Variants in MARK2 observed in about 807,000 individuals in gnomAD.
The protein encoded by MARK2 is microtubule affinity regulating kinase 2, also known as serine/threonine-protein kinase MARK2.
In MARK2, 16 loss-of-function variants were observed where a neutral mutation model predicts 89.8. The ratio of observed to expected loss-of-function variants is 0.18; its 90% CI spans 0.12 to 0.27. MARK2 has a LOEUF of 0.27. Ranked by LOEUF, MARK2 falls within the 10% of genes least tolerant of loss-of-function variation. The pLI, the probability that MARK2 is intolerant of heterozygous loss-of-function variation, is 1.00. For synonymous variants in MARK2, 382 were observed against 399.5 expected, an observed-to-expected ratio of 0.96 and a Z score of 0.52; for missense variants, 621 against 1,049.9, an observed-to-expected ratio of 0.59 and a Z score of 5.65.
chr11:63,866,730 C>T (rs1026150314), intron 1 of MARK2, among the ~76,000 whole-genome samples: 1 of 152,102 alleles, frequency 6.6e-6, no homozygotes, highest in African/African-American at 2.4e-5. Context: ...GTTTTAATTT[C>T]AAGAAGTAAT....
intron 1 of MARK2, among the ~76,000 whole-genome samples, chr11:63,856,848 C>T (rs1332093410): frequency 3.7e-5 from 5 of 135,690 alleles, no homozygotes; most frequent in Non-Finnish European, 7.6e-5. Flanking sequence ...CACTCTCTCG[C>T]CCAGGCTGGA....
chr11:63,874,204 T>A (rs536253921), intron 1 of MARK2, among the ~76,000 whole-genome samples: 1 of 152,348 alleles, frequency 6.6e-6, no homozygotes, highest in Non-Finnish European at 1.5e-5. Flanking sequence ...GACTCCCTGC[T>A]GCCTTATCCC....
intron 1 of MARK2, among the ~76,000 whole-genome samples, chr11:63,892,692 C>T (rs1939974273): frequency 6.7e-6 from 1 of 149,302 alleles, no homozygotes; most frequent in African/African-American, 2.5e-5. Context: ...AGATGTAAAC[C>T]AGGGCGCTAA....
intron 1 of MARK2, among the ~76,000 whole-genome samples, chr11:63,842,823 C>T (rs2016088210): frequency 6.6e-6 from 1 of 152,132 alleles, no homozygotes. Flanking sequence ...TCTCCAGTCT[C>T]TTTTCTTGCT....
intron 1 of MARK2, among the ~76,000 whole-genome samples, chr11:63,864,037 T>C (rs1363637661): frequency 1.3e-5 from 2 of 152,158 alleles, no homozygotes; most frequent in East Asian, 1.9e-4. Context: ...TGCTGCAAGC[T>C]CTGCCTCCTG....
chr11:63,866,790 A>G (rs1339615058), intron 1 of MARK2, among the ~76,000 whole-genome samples: 1 of 152,168 alleles, frequency 6.6e-6, no homozygotes, highest in Non-Finnish European at 1.5e-5. Context: ...TTTCCCATTT[A>G]AGATAGGAGA....
rs772793117 is a variant in MARK2, at chr11:63,901,095, G to C, written c.1101+26G>C. 10 of 1,481,950 alleles carry C rather than the reference G, an allele frequency of 6.7e-6. No homozygotes were observed. The East Asian group carries it at 2.3e-4, about 34-fold the overall frequency. 91.8% of individuals were successfully genotyped at this position (1,481,950 alleles called of 1,614,324 possible). ...GTGTGTGCTCCCCGCCCCATTCTCTGACCTGGCCAGCCTCACTGTCTGTAG... is the reference window on the plus strand; with the variant it reads ...GTGTGTGCTCCCCGCCCCATTCTCTCACCTGGCCAGCCTCACTGTCTGTAG... On this transcript the variant is annotated intron_variant, in intron 11 of 18. Coordinates refer to ENST00000402010, the MANE Select transcript of MARK2 (RefSeq NM_001039469.3).
chr11:63,853,340 A>G (rs923461399), intron 1 of MARK2, among the ~76,000 whole-genome samples: 6 of 152,128 alleles, frequency 3.9e-5, no homozygotes, highest in Non-Finnish European at 8.8e-5. Flanking sequence ...TGGAGGTTGC[A>G]GTGAGCCGAG....
intron 3 of MARK2, among the ~76,000 whole-genome samples, chr11:63,896,377 C>G (rs899735689): frequency 9.8e-5 from 15 of 152,340 alleles, no homozygotes; most frequent in Middle Eastern, 6.8e-3. Context: ...TAAGAGGAAG[C>G]AGGGAACCTG....
intron 1 of MARK2, among the ~76,000 whole-genome samples, chr11:63,894,886 T>C (rs1225356036): frequency 6.6e-6 from 1 of 152,050 alleles, no homozygotes; most frequent in Non-Finnish European, 1.5e-5. Context: ...GTGTTGCCAA[T>C]GGAGGTTCAG....
chr11:63,895,686 T>TTTTTGA, intron 3 of MARK2, 53 bp downstream of exon 3: 1 of 1,059,838 alleles, frequency 9.4e-7, no homozygotes, highest in Non-Finnish European at 1.3e-6. Flanking sequence ...TTTTTTTTTT[T>TTTTTGA]GAGTCAGAGC....
intron 1 of MARK2, among the ~76,000 whole-genome samples, chr11:63,867,244 T>G (rs1178456922): frequency 5.3e-5 from 8 of 152,330 alleles, no homozygotes; most frequent in African/African-American, 1.9e-4. Context: ...CCTTTGCTGG[T>G]CTTGAACTCC....
chr11:63,881,061 T>G (rs1397323682), intron 1 of MARK2, among the ~76,000 whole-genome samples: 1 of 152,158 alleles, frequency 6.6e-6, no homozygotes, highest in African/African-American at 2.4e-5. Context: ...CCCAGCACTT[T>G]GGGAGGCCAA....
At chr11:63,867,342 T>G (rs929421210) in intron 1 of MARK2, among the ~76,000 whole-genome samples, 1 of 152,234 alleles carries the variant, frequency 6.6e-6, no homozygotes, top group Non-Finnish European at 1.5e-5. Context: ...TATAGTTTTA[T>G]GAGCTGAGCT....
At chr11:63,852,208 ACTTT>A (rs999623156) in intron 1 of MARK2, among the ~76,000 whole-genome samples, 3 of 152,200 alleles carry the variant, frequency 2.0e-5, no homozygotes, top group Non-Finnish European at 2.9e-5. Flanking sequence ...TTAAGGTAGT[ACTTT>A]AAGGTAAAAA....
Position 63,903,328 on chromosome 11 carries a change from G to T in MARK2, c.1514+170G>T. 2 of 611,420 alleles carry T rather than the reference G, an allele frequency of 3.3e-6. No homozygotes were observed. The allele number at this position is 611,420 out of a possible 1,614,324, so 37.9% of individuals were successfully genotyped here. ...TTCCCCTCCCCTATTCCACGCCATT[G>T]CCTCCTCCCCATCTTCCTCTGACTG... On this transcript the variant is annotated intron_variant, in intron 14 of 18. Transcript: ENST00000402010. The surrounding 1 kb of genome is among the most constrained non-coding windows in gnomAD (Gnocchi z 5.1).
chr11:63,909,204 T>C lies in MARK2; in HGVS notation c.2334T>C (p.Ile778=), dbSNP rs1288563735. ...ISGTSMAFKN[I]ASKIANELKL ...GCACCTCCATGGCCTTCAAAAACAT[T>C]GCCTCCAAAATAGCCAACGAGCTGA... is the stretch of plus-strand genomic sequence containing the variant. Residue 778 remains isoleucine (I), a synonymous_variant, in exon 19 of 19, where the codon ATT becomes ATC. Coordinates refer to ENST00000402010, the MANE Select transcript of MARK2 (RefSeq NM_001039469.3). 1.3e-6 allele frequency: 2 copies of C among 1,597,448 alleles called. No homozygotes were observed. Among genetic ancestry groups the C allele is most frequent in the Non-Finnish European group, 1.7e-6 (2 of 1,166,306 alleles).
intron 1 of MARK2, among the ~76,000 whole-genome samples, chr11:63,844,212 G>T (rs1035483204): frequency 6.6e-6 from 1 of 152,226 alleles, no homozygotes; most frequent in African/African-American, 2.4e-5. Context: ...AGGCACCATG[G>T]CTCATGCCTG....
intron 1 of MARK2, among the ~76,000 whole-genome samples, chr11:63,888,146 T>C (rs1463231996): frequency 6.6e-6 from 1 of 152,196 alleles, no homozygotes; most frequent in African/African-American, 2.4e-5. Context: ...GGAATGTGCA[T>C]GTTTCCAAGG....
Sources: gnomAD v4.1 joint callset for allele counts (sites outside exome capture counted in the v4.1 genomes callset) on GRCh38, gnomAD v4.1.1 for gene constraint, Gnocchi (gnomAD v3.1) non-coding constraint, MANE v1.5 for transcripts, NCBI Gene and HGNC (gene_info 2026-07-23, HGNC 2026-07-21) for gene names.